The following EMCN variants were observed in gnomAD, a reference collection of about 807,000 sequenced individuals.
The protein encoded by EMCN is endomucin, also known as MUC-14.
EMCN carries 37 observed loss-of-function variants against 38.4 expected under a neutral mutation model. The ratio of observed to expected loss-of-function variants is 0.96; its 90% CI spans 0.74 to 1.27. EMCN has a LOEUF of 1.27. Among genes scored for constraint, EMCN ranks in the 50% most tolerant of loss-of-function variants. EMCN has a pLI of 0.00. For missense variants in EMCN, 318 were observed against 302.8 expected, an observed-to-expected ratio of 1.05 and a Z score of -0.37; for synonymous variants, 95 against 100.8, an observed-to-expected ratio of 0.94 and a Z score of 0.35.
chr4:100,465,566 G>GC, intron 3 of EMCN, 27 bp from the exon 4 acceptor site: 1 of 1,265,144 alleles, frequency 7.9e-7, no homozygotes, highest in Non-Finnish European at 1.1e-6. Context: ...CAGTCATCAG[G>GC]AGTATAACAA....
At position 100,411,937 on chromosome 4, in the gene EMCN, T is replaced by C. The variant is rs190158911; in HGVS notation, c.752-1582A>G. On this transcript the variant is annotated intron_variant, in intron 10 of 11. Coordinates refer to ENST00000296420, the MANE Select transcript of EMCN (RefSeq NM_016242.4). ...TATAAATTTGTGAATGTTTTGTTCA[T>C]TTTTACTCTGTGGTTTTTTTTTGTT... Among the ~76,000 whole-genome samples the C allele has an allele frequency of 1.0e-3, 159 of 152,232 alleles. 1 individual carries two copies. The highest frequency in any genetic ancestry group is 3.7e-3 in the African/African-American group (154 of 41,508).
chr4:100,466,315 T>C (rs1162192429), intron 3 of EMCN, among the ~76,000 whole-genome samples: 1 of 152,126 alleles, frequency 6.6e-6, no homozygotes, highest in Non-Finnish European at 1.5e-5. Context: ...TAGCTGGAGA[T>C]GAGGGGAAAG....
At chr4:100,399,723 A>AG (rs760537026) in intron 11 of EMCN, among the ~76,000 whole-genome samples, 1 of 152,102 alleles carries the variant, frequency 6.6e-6, no homozygotes, top group Non-Finnish European at 1.5e-5. Context: ...AGGTCAAGTG[A>AG]GGGGTTCCTC....
intron 4 of EMCN, among the ~76,000 whole-genome samples, chr4:100,460,348 T>G (rs1350215197): frequency 6.6e-6 from 1 of 152,196 alleles, no homozygotes; most frequent in African/African-American, 2.4e-5. Context: ...TTGTATGGTT[T>G]GCAAATATTT....
intron 10 of EMCN, among the ~76,000 whole-genome samples, chr4:100,414,201 C>T (rs1726646510): frequency 6.6e-6 from 1 of 152,232 alleles, no homozygotes; most frequent in South Asian, 2.1e-4. Flanking sequence ...GGAGAGCCAA[C>T]ATGACTGCAG....
At chr4:100,465,364 T>C in intron 4 of EMCN, 59 bp downstream of exon 4, 1 of 953,842 alleles carries the variant, frequency 1.0e-6, no homozygotes, top group Admixed American at 2.2e-5. Context: ...GAAAACATTC[T>C]GAAACTAGTT....
At chr4:100,425,377 G>A (rs572805792) in intron 5 of EMCN, among the ~76,000 whole-genome samples, 14 of 150,740 alleles carry the variant, frequency 9.3e-5, no homozygotes, top group Admixed American at 8.6e-4. Flanking sequence ...AGTTTTTGTT[G>A]AGACTGTATT....
chr4:100,479,864 C>T (rs1728759981), intron 2 of EMCN, 53 bp downstream of exon 2: 1 of 1,459,854 alleles, frequency 6.9e-7, no homozygotes, highest in Non-Finnish European at 9.4e-7. Flanking sequence ...TATATACATA[C>T]TACTAATTTT....
chr4:100,494,437 A>T (rs1158819460), intron 1 of EMCN, among the ~76,000 whole-genome samples: 1 of 152,148 alleles, frequency 6.6e-6, no homozygotes, highest in African/African-American at 2.4e-5. Flanking sequence ...TGCTCTGCTG[A>T]CAGTGGGAGA....
chr4:100,430,668 A>G (rs996606938), intron 5 of EMCN, among the ~76,000 whole-genome samples: 1 of 152,136 alleles, frequency 6.6e-6, no homozygotes, highest in African/African-American at 2.4e-5. Context: ...AGTGCAGACT[A>G]GGGTGGTGCA....
intron 5 of EMCN, among the ~76,000 whole-genome samples, chr4:100,441,546 A>G (rs1578196811): frequency 6.6e-6 from 1 of 151,850 alleles, no homozygotes; most frequent in Non-Finnish European, 1.5e-5. Flanking sequence ...TCATTTTGTT[A>G]TTTGTTTTCT....
chr4:100,407,719 T>C (rs1463273486), intron 11 of EMCN, among the ~76,000 whole-genome samples: 1 of 152,148 alleles, frequency 6.6e-6, no homozygotes, highest in Non-Finnish European at 1.5e-5. Context: ...GGTTGTATTA[T>C]ATAGTATCTT....
chr4:100,454,592 T>C (rs1470337591), intron 4 of EMCN, among the ~76,000 whole-genome samples: 1 of 152,192 alleles, frequency 6.6e-6, no homozygotes, highest in Non-Finnish European at 1.5e-5. Flanking sequence ...ATCAAGACAC[T>C]GTGAGATTTC....
intron 2 of EMCN, among the ~76,000 whole-genome samples, chr4:100,476,929 C>A (rs1728667459): frequency 6.6e-6 from 1 of 152,140 alleles, no homozygotes; most frequent in South Asian, 2.1e-4. Flanking sequence ...TACCCAAACT[C>A]ATTTTTTTCT....
At chr4:100,457,190 TTG>T (rs58939159) in intron 4 of EMCN, among the ~76,000 whole-genome samples, 7 of 108,084 alleles carry the variant, frequency 6.5e-5, no homozygotes, top group South Asian at 4.0e-4. Flanking sequence ...TATAGTTTGG[TTG>T]TGTGTGTGTG....
At chr4:100,430,687 G>A (rs1281856761) in intron 5 of EMCN, among the ~76,000 whole-genome samples, 1 of 152,108 alleles carries the variant, frequency 6.6e-6, no homozygotes, top group Non-Finnish European at 1.5e-5. Flanking sequence ...CAAGAACAGT[G>A]CAGAGCACTA....
At chr4:100,438,293 C>T (rs912285176) in intron 5 of EMCN, among the ~76,000 whole-genome samples, 3 of 152,018 alleles carry the variant, frequency 2.0e-5, no homozygotes, top group African/African-American at 7.2e-5. Context: ...TGACATACAA[C>T]ATTTTCAACG....
chr4:100,490,918 G>A (rs1019462113), intron 1 of EMCN, among the ~76,000 whole-genome samples: 7 of 152,090 alleles, frequency 4.6e-5, no homozygotes, highest in African/African-American at 1.2e-4. Flanking sequence ...AAAGATTAAC[G>A]ACATTGAGCA....
At chr4:100,485,605 TA>T (rs1728921126) in intron 1 of EMCN, among the ~76,000 whole-genome samples, 1 of 151,366 alleles carries the variant, frequency 6.6e-6, no homozygotes, top group Admixed American at 6.6e-5. Context: ...AATATATACA[TA>T]AAAATATAAT....
Sources: allele counts gnomAD v4.1 joint callset (sites outside exome capture counted in the v4.1 genomes callset), GRCh38; gene constraint gnomAD v4.1.1; transcripts MANE v1.5; gene names NCBI Gene and HGNC (gene_info 2026-07-23, HGNC 2026-07-21).